TNPO3: variants seen among roughly 807,000 people sequenced by gnomAD.
The protein encoded by TNPO3 is transportin 3, also known as transportin-3.
A neutral mutation model predicts 122.8 loss-of-function variants in TNPO3; 65 were observed. That is an observed-to-expected ratio of 0.53 (90% CI 0.43 to 0.65). The LOEUF (loss-of-function observed/expected upper bound fraction) is 0.65. Ranked by LOEUF, TNPO3 falls within the 30% of genes least tolerant of loss-of-function variation. TNPO3 has a pLI of 0.00. For missense variants in TNPO3, 850 were observed against 1,136.7 expected (o/e 0.75, Z 3.63); for synonymous variants, 372 against 411.2 (o/e 0.90, Z 1.15).
chr7:129,048,658 A>G (rs1479739922), intron 1 of TNPO3, among the ~76,000 whole-genome samples: 1 of 152,114 alleles, frequency 6.6e-6, no homozygotes, highest in East Asian at 1.9e-4. Flanking sequence ...AAAAAAAAGA[A>G]AGAAAAAAAA....
At chr7:128,995,849 C>T (rs535078443) in intron 8 of TNPO3, among the ~76,000 whole-genome samples, 7 of 152,336 alleles carry the variant, frequency 4.6e-5, no homozygotes, top group South Asian at 2.1e-4. Context: ...CAGGAACCTG[C>T]CACCATGCCC....
chr7:129,018,429 G>A (rs1563104519), intron 1 of TNPO3, among the ~76,000 whole-genome samples: 1 of 152,132 alleles, frequency 6.6e-6, no homozygotes, highest in African/African-American at 2.4e-5. Flanking sequence ...TTGAATGACT[G>A]TGTGGGTGTC....
intron 1 of TNPO3, among the ~76,000 whole-genome samples, chr7:129,027,624 A>G (rs755972646): frequency 2.1e-4 from 31 of 149,688 alleles, no homozygotes; most frequent in Middle Eastern, 3.5e-3. Flanking sequence ...ACTCCCTACA[A>G]AGAACCTTTT....
At chr7:129,025,471 G>C (rs1805031520) in intron 1 of TNPO3, among the ~76,000 whole-genome samples, 1 of 147,144 alleles carries the variant, frequency 6.8e-6, no homozygotes, top group South Asian at 2.2e-4. Context: ...GAAACACAAA[G>C]GATTACTATA....
Position 128,997,425 on chromosome 7 carries a change from G to A in TNPO3, c.1122C>T (p.His374=), listed in dbSNP as rs781217193. The change falls in exon 8 of 23, where the codon CAC becomes CAT. Residue 374 remains histidine, a synonymous_variant. Coordinates refer to ENST00000265388, the MANE Select transcript of TNPO3 (RefSeq NM_012470.4). ...IFKAYIQRLL[H]ALARHCQLEP... ...CCAGCTGGCAGTGTCGAGCCAAGGC[G>A]TGAAGCAGCCTCTGAATGTAAGCTT... 48 of 1,614,160 alleles carry A rather than the reference G, an allele frequency of 3.0e-5. No homozygotes were observed. Among genetic ancestry groups the A allele is most frequent in the African/African-American group, 1.7e-4 (13 of 75,046 alleles).
At chr7:128,976,566 C>T (rs1799079761) in intron 16 of TNPO3, among the ~76,000 whole-genome samples, 1 of 152,056 alleles carries the variant, frequency 6.6e-6, no homozygotes, top group Admixed American at 6.6e-5. Context: ...CTCAACCTAC[C>T]AGGCTCAAGG....
intron 10 of TNPO3, 31 bp from the exon 11 acceptor site, chr7:128,990,131 C>G (rs868643313): frequency 1.2e-6 from 2 of 1,613,912 alleles, no homozygotes; most frequent in Non-Finnish European, 8.5e-7. Context: ...CTCACAGTTA[C>G]TGATTTCAGA....
chr7:128,986,469 T>C (rs1800159168), intron 12 of TNPO3, among the ~76,000 whole-genome samples: 1 of 152,240 alleles, frequency 6.6e-6, no homozygotes, highest in African/African-American at 2.4e-5. Flanking sequence ...TTGAATATGT[T>C]GTCTCTACCC....
At chr7:128,978,044 C>CA (rs145656906) in intron 16 of TNPO3, among the ~76,000 whole-genome samples, 6,764 of 152,242 alleles carry the variant, frequency 0.044, 207 homozygotes, top group Middle Eastern at 0.1. Flanking sequence ...AGCATGGGTA[C>CA]AAAATTTCAG....
chr7:128,994,565 A>G (rs1801106200), intron 8 of TNPO3, among the ~76,000 whole-genome samples: 1 of 152,184 alleles, frequency 6.6e-6, no homozygotes, highest in East Asian at 1.9e-4. Flanking sequence ...CTATCTAGAG[A>G]AGGTCAGCTC....
At chr7:128,997,290 G>T in intron 8 of TNPO3, 99 bp downstream of exon 8, 1 of 1,353,298 alleles carries the variant, frequency 7.4e-7, no homozygotes, top group Non-Finnish European at 1.0e-6. Flanking sequence ...GAGCCAGGGT[G>T]CCCAGCCAGG....
chr7:129,030,781 G>C (rs1805844142), intron 1 of TNPO3, among the ~76,000 whole-genome samples: 1 of 152,094 alleles, frequency 6.6e-6, no homozygotes, highest in Non-Finnish European at 1.5e-5. Context: ...TGTTCCTATG[G>C]AAACTATTTA....
intron 10 of TNPO3, among the ~76,000 whole-genome samples, chr7:128,991,511 G>A (rs1162510039): frequency 6.6e-6 from 1 of 152,096 alleles, no homozygotes; most frequent in Non-Finnish European, 1.5e-5. Context: ...ATTTTTCAAT[G>A]GCAATAACAA....
Position 128,954,408 on chromosome 7 carries a change from C to T in TNPO3, c.*1009G>A, listed in dbSNP as rs1390388605. 6 of 152,218 alleles carry T rather than the reference C, an allele frequency of 3.9e-5. No individual in the cohort carries two copies. The East Asian group carries it at 1.2e-3, about 29-fold the overall frequency. The allele number at this position is 152,218 out of a possible 1,614,324, so 9.4% of individuals were successfully genotyped here. A position where few individuals can be genotyped will look rare whatever the true frequency, so the allele number is the denominator to read the frequency against. On this transcript the variant is annotated 3_prime_UTR_variant, in exon 23 of 23. Coordinates refer to ENST00000265388, the MANE Select transcript of TNPO3 (RefSeq NM_012470.4). ...TAACATACTAAATGACACATCATCCCTTGTTAGCCCTGTAAACATTTTTTC... is the reference window on the plus strand; with the variant it reads ...TAACATACTAAATGACACATCATCCTTTGTTAGCCCTGTAAACATTTTTTC...
At position 128,972,445 on chromosome 7, in the gene TNPO3, T is replaced by A. The variant is rs375189043; in HGVS notation, c.2411A>T (p.His804Leu). ...ACTTACATCATTGGCTACCCCTGTA[T>A]GAATGAGGTCTCGTAGAAACCTCAT... ...SVMRFLRDLIHTGVANDHEED... is the reference protein window; with the variant it reads ...SVMRFLRDLILTGVANDHEED... The change falls in exon 19 of 23, where the codon CAT becomes CTT. Residue 804 changes from histidine (H) to leucine (L), a missense_variant. By Grantham distance (99) the His-to-Leu change is moderately conservative. Coordinates refer to ENST00000265388, the MANE Select transcript of TNPO3 (RefSeq NM_012470.4). 2 of 1,613,634 alleles carry A rather than the reference T, an allele frequency of 1.2e-6. No individual in the cohort carries two copies. Among genetic ancestry groups the A allele is most frequent in the African/African-American group, 1.3e-5 (1 of 74,874 alleles).
In TNPO3 at chr7:128,975,880, A is replaced by G; in HGVS notation, c.2117T>C (p.Ile706Thr). 6.2e-7 allele frequency: 1 copy of G among 1,614,160 alleles called. No individual in the cohort carries two copies. Among genetic ancestry groups the G allele is most frequent in the Non-Finnish European group, 8.5e-7 (1 of 1,179,996 alleles). ...QHSCFLYLGS[I>T]LVDEYGMEEG... Reference sequence around the variant, plus strand: ...TTCCATGCCATATTCATCCACAAGGATACTGCCAAGGTACAGGAAGCAGGA... The same window carrying G: ...TTCCATGCCATATTCATCCACAAGGGTACTGCCAAGGTACAGGAAGCAGGA... The change falls in exon 17 of 23, where the codon ATC becomes ACC. Residue 706 changes from isoleucine to threonine, a missense_variant. Coordinates refer to ENST00000265388, the MANE Select transcript of TNPO3 (RefSeq NM_012470.4).
intron 1 of TNPO3, among the ~76,000 whole-genome samples, chr7:129,037,018 TA>T (rs1249239378): frequency 6.6e-6 from 1 of 152,142 alleles, no homozygotes; most frequent in Non-Finnish European, 1.5e-5. Flanking sequence ...TGAAAAAGGC[TA>T]AGACACATAT....
At chr7:128,970,353 G>C in intron 19 of TNPO3, 38 bp from the exon 20 acceptor site, 2 of 1,529,640 alleles carry the variant, frequency 1.3e-6, no homozygotes, top group Non-Finnish European at 8.8e-7. Flanking sequence ...ATAAATTCTA[G>C]TCTCAACTTC....
At chr7:128,981,730 CTTT>C (rs767733981) in intron 14 of TNPO3, among the ~76,000 whole-genome samples, 3 of 138,222 alleles carry the variant, frequency 2.2e-5, no homozygotes, top group Non-Finnish European at 3.2e-5. Context: ...TTTAAAGAGT[CTTT>C]TTTTTTTTTT....
Sources: gnomAD v4.1 joint callset for allele counts (sites outside exome capture counted in the v4.1 genomes callset) on GRCh38, gnomAD v4.1.1 for gene constraint, MANE v1.5 for transcripts, NCBI Gene and HGNC (gene_info 2026-07-23, HGNC 2026-07-21) for gene names.